Variants in TAFA2 observed in about 807,000 individuals in gnomAD.
TAFA2 encodes chemokine-like protein TAFA-2.
Under a neutral mutation model 18.8 loss-of-function variants are expected in TAFA2, and 7 were observed. The observed-to-expected ratio is 0.37, with a 90% CI of 0.21 to 0.70. TAFA2 has a LOEUF of 0.70. TAFA2 is among the 30% of genes least tolerant of loss of function. The probability of loss-of-function intolerance (pLI) is 0.53; values close to 1 mark genes in which losing one functional copy is unlikely to be tolerated. For synonymous variants in TAFA2, 60 were observed against 54.2 expected (o/e 1.11, Z -0.47); for missense variants, 122 against 158.1 (o/e 0.77, Z 1.23).
At chr12:61,812,094 A>G (rs1871894026) in intron 2 of TAFA2, among the ~76,000 whole-genome samples, 1 of 151,390 alleles carries the variant, frequency 6.6e-6, no homozygotes. Flanking sequence ...AAACTATGTG[A>G]CACTTAGCAG....
chr12:61,782,190 A>G (rs1411165866), intron 2 of TAFA2, among the ~76,000 whole-genome samples: 1 of 151,712 alleles, frequency 6.6e-6, no homozygotes, highest in African/African-American at 2.4e-5. Flanking sequence ...TTAACCTCAA[A>G]AATGAGTTCA....
chr12:61,842,365 G>C (rs1873221875), intron 2 of TAFA2, among the ~76,000 whole-genome samples: 1 of 151,844 alleles, frequency 6.6e-6, no homozygotes, highest in African/African-American at 2.4e-5. Flanking sequence ...TTTCAGATCA[G>C]CATGTTTTTT....
At chr12:62,149,966 C>G (rs900166467) in intron 1 of TAFA2, among the ~76,000 whole-genome samples, 4 of 152,190 alleles carry the variant, frequency 2.6e-5, no homozygotes, top group African/African-American at 7.2e-5. Context: ...GGACAGAAAA[C>G]TCTTCTCTTT....
intron 2 of TAFA2, 104 bp from the exon 3 acceptor site, chr12:61,755,128 C>G: frequency 2.0e-6 from 2 of 1,006,816 alleles, no homozygotes; most frequent in South Asian, 3.5e-5. Flanking sequence ...TATAAGGGGT[C>G]CACCAGGCAT....
At chr12:62,143,559 A>G (rs1217624297) in intron 1 of TAFA2, among the ~76,000 whole-genome samples, 1 of 152,152 alleles carries the variant, frequency 6.6e-6, no homozygotes, top group Non-Finnish European at 1.5e-5. Flanking sequence ...GCTTGACTCC[A>G]GCATGTGCCA....
chr12:61,773,126 A>G (rs1870105736), intron 2 of TAFA2, among the ~76,000 whole-genome samples: 1 of 151,976 alleles, frequency 6.6e-6, no homozygotes, highest in South Asian at 2.1e-4. Flanking sequence ...AAAAAATAAA[A>G]TACTTGGGAA....
rs1592370992 is a variant in TAFA2, at chr12:62,155,625, C to G, written c.-2+35634G>C. ...TAGACCAATGGAACAGAATAGAGAACCCAAAATAAACCCAAATACTTACAG... is the reference window on the plus strand; with the variant it reads ...TAGACCAATGGAACAGAATAGAGAAGCCAAAATAAACCCAAATACTTACAG... On this transcript the variant is annotated intron_variant, in intron 1 of 4. Transcript: ENST00000416284. Among the ~76,000 whole-genome samples the G allele has an allele frequency of 2.0e-5, 3 of 152,032 alleles. No individual in the cohort carries two copies. In the East Asian group the frequency reaches 5.8e-4, roughly 29 times the overall value.
chr12:62,074,393 C>A (rs914324225), intron 1 of TAFA2, among the ~76,000 whole-genome samples: 6 of 152,150 alleles, frequency 3.9e-5, no homozygotes, highest in Non-Finnish European at 7.3e-5. Flanking sequence ...CCTTCAAATT[C>A]TAATCTCTAC....
At chr12:61,988,356 A>G (rs918244296) in intron 1 of TAFA2, among the ~76,000 whole-genome samples, 1 of 152,186 alleles carries the variant, frequency 6.6e-6, no homozygotes, top group Non-Finnish European at 1.5e-5. Flanking sequence ...CAAATTTTAT[A>G]ATATTAAAAT....
intron 1 of TAFA2, among the ~76,000 whole-genome samples, chr12:62,085,915 A>G (rs1326071435): frequency 6.6e-6 from 1 of 152,064 alleles, no homozygotes; most frequent in Non-Finnish European, 1.5e-5. Context: ...GTGAGTTCTC[A>G]TGAGATCTGA....
intron 2 of TAFA2, among the ~76,000 whole-genome samples, chr12:61,819,570 C>T (rs768530989): frequency 1.5e-4 from 23 of 152,116 alleles, no homozygotes; most frequent in Non-Finnish European, 2.8e-4. Flanking sequence ...CATTATCATT[C>T]CCTATTTATC....
intron 1 of TAFA2, among the ~76,000 whole-genome samples, chr12:61,948,023 G>GA (rs758150362): frequency 6.6e-6 from 1 of 152,116 alleles, no homozygotes; most frequent in African/African-American, 2.4e-5. Flanking sequence ...GAAGTAAGGG[G>GA]AAAATAAATA....
chr12:62,106,186 T>C (rs1048096336), intron 1 of TAFA2, among the ~76,000 whole-genome samples: 1 of 147,262 alleles, frequency 6.8e-6, no homozygotes, highest in African/African-American at 2.5e-5. Context: ...TAAAAAAAAA[T>C]AGCCGGGTGT....
At chr12:61,927,723 A>G (rs1230080650) in intron 1 of TAFA2, among the ~76,000 whole-genome samples, 4 of 152,236 alleles carry the variant, frequency 2.6e-5, no homozygotes. Context: ...ACCAAAAAGA[A>G]CAAAGCTGGA....
intron 1 of TAFA2, among the ~76,000 whole-genome samples, chr12:62,055,367 G>T (rs1350323703): frequency 4.6e-5 from 7 of 152,094 alleles, no homozygotes; most frequent in Non-Finnish European, 1.0e-4. Context: ...CCCTGAAATA[G>T]AAAAGAGTCT....
intron 1 of TAFA2, among the ~76,000 whole-genome samples, chr12:61,896,893 A>G (rs1361756177): frequency 6.6e-6 from 1 of 152,174 alleles, no homozygotes; most frequent in Non-Finnish European, 1.5e-5. Context: ...TATTTGTGAT[A>G]CAAATAGCAA....
chr12:62,008,767 T>G (rs926921537), intron 1 of TAFA2, among the ~76,000 whole-genome samples: 1 of 152,214 alleles, frequency 6.6e-6, no homozygotes, highest in Admixed American at 6.5e-5. Context: ...GAAAGATGAT[T>G]GCAGTTATTT....
intron 1 of TAFA2, among the ~76,000 whole-genome samples, chr12:62,019,653 C>T (rs905085837): frequency 5.9e-5 from 8 of 135,470 alleles, no homozygotes; most frequent in African/African-American, 2.3e-4. Context: ...GGGAACATCA[C>T]ACACCGGGGA....
intron 2 of TAFA2, among the ~76,000 whole-genome samples, chr12:61,768,734 T>A (rs557839724): frequency 1.3e-5 from 2 of 151,726 alleles, no homozygotes; most frequent in South Asian, 4.2e-4. Flanking sequence ...CTTGGGGAGG[T>A]CTGCCAGTGG....
Sources: allele counts gnomAD v4.1 joint callset (sites outside exome capture counted in the v4.1 genomes callset), GRCh38; gene constraint gnomAD v4.1.1; transcripts MANE v1.5; gene names NCBI Gene and HGNC (gene_info 2026-07-23, HGNC 2026-07-21).